KPNA6: variants seen among roughly 807,000 people sequenced by gnomAD.
KPNA6 encodes the protein karyopherin subunit alpha 6, also known as importin subunit alpha-7.
A neutral mutation model predicts 72.0 loss-of-function variants in KPNA6; 9 were observed. The ratio of observed to expected loss-of-function variants is 0.13; its 90% CI spans 0.08 to 0.22. KPNA6 has a LOEUF of 0.22. Among genes scored for constraint, KPNA6 ranks in the 10% least tolerant of loss-of-function variants. KPNA6 has a pLI of 1.00. For synonymous variants in KPNA6, 219 were observed against 242.1 expected (o/e 0.90, Z 0.89); for missense variants, 374 against 655.7 (o/e 0.57, Z 4.69).
intron 1 of KPNA6, among the ~76,000 whole-genome samples, chr1:32,141,640 A>C (rs1029273698): frequency 6.6e-6 from 1 of 150,612 alleles, no homozygotes; most frequent in Non-Finnish European, 1.5e-5. Context: ...CAGATGATCC[A>C]CCCGCCTCAG....
intron 1 of KPNA6, among the ~76,000 whole-genome samples, chr1:32,140,441 C>T (rs557145593): frequency 1.1e-4 from 16 of 151,572 alleles, no homozygotes; most frequent in East Asian, 1.9e-4. Context: ...AGTAATTGGG[C>T]GAAGTGCCAA....
chr1:32,119,013 TATATATA>T lies in KPNA6; in HGVS notation c.4+10880_4+10886del, dbSNP rs1641379145. On this transcript the variant is annotated intron_variant, in intron 1 of 13. Transcript: ENST00000373625. ...GTGTGTATACATATATATATATATA[TATATATA>T]TATATATATATATTTTTTTTTTTTT... Among the ~76,000 whole-genome samples, 6 of 75,762 alleles carry T rather than the reference TATATATA, an allele frequency of 7.9e-5. 1 individual carries two copies. The highest frequency in any genetic ancestry group is 1.9e-4 in the African/African-American group (3 of 16,040). The allele number at this position is 75,762 out of a possible 152,430, so 49.7% of individuals were successfully genotyped here.
Position 32,118,997 on chromosome 1 carries a change from CATATATATATATATATAT to C in KPNA6, c.4+10882_4+10899del, listed in dbSNP as rs71578197. Among the ~76,000 whole-genome samples the C allele has an allele frequency of 3.9e-3, 233 of 59,836 alleles. 4 individuals carry two copies. The highest frequency in any genetic ancestry group is 0.014 in the African/African-American group (205 of 15,168). The allele number at this position is 59,836 out of a possible 152,430, so 39.3% of individuals were successfully genotyped here. ...ATGTGTGTGTGTGTGTGTGTGTATA[CATATATATATATATATAT>C]ATATATATATATATATATTTTTTTT... On this transcript the variant is annotated intron_variant, in intron 1 of 13. Coordinates refer to ENST00000373625, the MANE Select transcript of KPNA6 (RefSeq NM_012316.5).
chr1:32,170,023 G>T lies in KPNA6; in HGVS notation c.1386G>T (p.Gly462=). ...GEQEGKRSGS[G]VNPYCGLIEE... ...AAGAGGGCAAGCGCAGTGGCTCAGG[G>T]GTCAATCCTTATTGTGGCCTCATAG... The change falls in exon 13 of 14, where the codon GGG becomes GGT. Residue 462 remains glycine (G), a synonymous_variant. Coordinates refer to ENST00000373625, the MANE Select transcript of KPNA6 (RefSeq NM_012316.5). 1 of 1,614,120 alleles carries T rather than the reference G, an allele frequency of 6.2e-7. No individual in the cohort carries two copies. Among genetic ancestry groups the T allele is most frequent in the Non-Finnish European group, 8.5e-7 (1 of 1,180,024 alleles).
At chr1:32,143,797 C>G (rs1641884136) in intron 1 of KPNA6, among the ~76,000 whole-genome samples, 1 of 152,098 alleles carries the variant, frequency 6.6e-6, no homozygotes, top group Admixed American at 6.6e-5. Flanking sequence ...AACCTCTAAT[C>G]TACTTTCTGA....
At chr1:32,126,900 C>A (rs1171220930) in intron 1 of KPNA6, among the ~76,000 whole-genome samples, 2 of 152,102 alleles carry the variant, frequency 1.3e-5, no homozygotes, top group Non-Finnish European at 2.9e-5. Context: ...GAAAAACCAC[C>A]TGTTCAATAG....
intron 5 of KPNA6, among the ~76,000 whole-genome samples, 175 bp downstream of exon 5, chr1:32,158,536 A>G (rs1642184510): frequency 6.6e-6 from 1 of 152,204 alleles, no homozygotes; most frequent in Non-Finnish European, 1.5e-5. Context: ...TAAGTTACAA[A>G]CAATCCAATT....
chr1:32,135,316 C>T (rs1432785628), intron 1 of KPNA6, among the ~76,000 whole-genome samples: 2 of 152,076 alleles, frequency 1.3e-5, no homozygotes, highest in Admixed American at 6.6e-5. Context: ...ATCTGTCCCC[C>T]TCAGCCTCCC....
chr1:32,129,838 G>A (rs529461969), intron 1 of KPNA6, among the ~76,000 whole-genome samples: 36 of 152,178 alleles, frequency 2.4e-4, no homozygotes, highest in Middle Eastern at 6.8e-3. Flanking sequence ...AATCAAACGT[G>A]GTGGAATTGA....
chr1:32,149,287 G>T (rs529848169), intron 1 of KPNA6, among the ~76,000 whole-genome samples: 1 of 151,724 alleles, frequency 6.6e-6, no homozygotes, highest in Non-Finnish European at 1.5e-5. Flanking sequence ...TTAGTTCATT[G>T]TCCAGGTTTT....
At chr1:32,146,375 A>G (rs1239202259) in intron 1 of KPNA6, among the ~76,000 whole-genome samples, 1 of 152,120 alleles carries the variant, frequency 6.6e-6, no homozygotes, top group Non-Finnish European at 1.5e-5. Context: ...ACAGTTTCTG[A>G]CTTAAAGTTT....
At chr1:32,132,721 G>A (rs1450475424) in intron 1 of KPNA6, among the ~76,000 whole-genome samples, 1 of 152,094 alleles carries the variant, frequency 6.6e-6, no homozygotes, top group Non-Finnish European at 1.5e-5. Flanking sequence ...GGCTAACACG[G>A]TGAAACCCCG....
At chr1:32,128,428 C>T (rs868730548) in intron 1 of KPNA6, among the ~76,000 whole-genome samples, 133 of 68,374 alleles carry the variant, frequency 1.9e-3, no homozygotes, top group Middle Eastern at 8.8e-3. Context: ...TATATATATA[C>T]ACACACACAC....
intron 10 of KPNA6, among the ~76,000 whole-genome samples, chr1:32,165,207 C>A (rs1642310881): frequency 6.6e-6 from 1 of 152,140 alleles, no homozygotes; most frequent in African/African-American, 2.4e-5. Flanking sequence ...CTCACCCAGA[C>A]CAACTTTCTT....
At chr1:32,112,406 T>C (rs1424615662) in intron 1 of KPNA6, among the ~76,000 whole-genome samples, 1 of 152,196 alleles carries the variant, frequency 6.6e-6, no homozygotes, top group East Asian at 1.9e-4. Context: ...TTTTCTGTTT[T>C]CCAATGCATA....
At chr1:32,116,678 C>T (rs533894160) in intron 1 of KPNA6, among the ~76,000 whole-genome samples, 5 of 152,116 alleles carry the variant, frequency 3.3e-5, no homozygotes, top group Non-Finnish European at 7.4e-5. Context: ...CCTTTGCATT[C>T]ACAGCTTTGC....
intron 1 of KPNA6, among the ~76,000 whole-genome samples, chr1:32,139,442 A>G (rs1014410670): frequency 3.9e-5 from 6 of 152,180 alleles, no homozygotes; most frequent in Non-Finnish European, 5.9e-5. Context: ...ATTCTTGGCC[A>G]ACAATTACTA....
At chr1:32,131,662 A>G (rs1192608811) in intron 1 of KPNA6, among the ~76,000 whole-genome samples, 1 of 151,308 alleles carries the variant, frequency 6.6e-6, no homozygotes, top group East Asian at 1.9e-4. Flanking sequence ...ATATACACAC[A>G]CAACAAAGGA....
chr1:32,134,691 T>G (rs1339499180), intron 1 of KPNA6, among the ~76,000 whole-genome samples: 2 of 150,000 alleles, frequency 1.3e-5, no homozygotes, highest in Non-Finnish European at 3.0e-5. Flanking sequence ...TGTTAAAACA[T>G]GGATGAACCT....
Sources: allele counts gnomAD v4.1 joint callset (sites outside exome capture counted in the v4.1 genomes callset), GRCh38; gene constraint gnomAD v4.1.1; transcripts MANE v1.5; gene names NCBI Gene and HGNC (gene_info 2026-07-23, HGNC 2026-07-21).